FAM222A: variants seen among roughly 807,000 people sequenced by gnomAD.
The protein encoded by FAM222A is family with sequence similarity 222 member A, also known as protein FAM222A.
Under a neutral mutation model 25.8 loss-of-function variants are expected in FAM222A, and 7 were observed. The observed-to-expected ratio is 0.27, with a 90% CI of 0.15 to 0.51. FAM222A has a LOEUF of 0.51. Ranked by LOEUF, FAM222A falls within the 20% of genes least tolerant of loss-of-function variation. The pLI is 0.97. For synonymous variants in FAM222A, 294 were observed against 298.8 expected, an observed-to-expected ratio of 0.98 and a Z score of 0.17; for missense variants, 573 against 640.5, an observed-to-expected ratio of 0.89 and a Z score of 1.14.
intron 2 of FAM222A, among the ~76,000 whole-genome samples, chr12:109,762,091 G>A (rs905619645): frequency 3.9e-5 from 6 of 152,170 alleles, no homozygotes; most frequent in African/African-American, 1.4e-4. Context: ...ATTATCAGAG[G>A]AGGCTTCTTT....
At chr12:109,766,701 C>T (rs942705344) in intron 2 of FAM222A, among the ~76,000 whole-genome samples, 5 of 152,226 alleles carry the variant, frequency 3.3e-5, no homozygotes, top group Non-Finnish European at 7.3e-5. Flanking sequence ...ACACCAAGCA[C>T]TGGCAGGTTG....
At chr12:109,718,584 C>A (rs1209510807) in intron 1 of FAM222A, among the ~76,000 whole-genome samples, 1 of 152,260 alleles carries the variant, frequency 6.6e-6, no homozygotes, top group East Asian at 1.9e-4. Context: ...CTCCCAGCAG[C>A]GGCCGGAGCC....
At chr12:109,737,344 C>T (rs1888114301) in intron 1 of FAM222A, among the ~76,000 whole-genome samples, 1 of 152,138 alleles carries the variant, frequency 6.6e-6, no homozygotes, top group African/African-American at 2.4e-5. Flanking sequence ...TGGCTCAGAA[C>T]TGCCAGCATC....
At chr12:109,717,322 C>T (rs536184131) in intron 1 of FAM222A, among the ~76,000 whole-genome samples, 32 of 152,228 alleles carry the variant, frequency 2.1e-4, no homozygotes, top group Non-Finnish European at 4.6e-4. Context: ...AAACTCGCTC[C>T]TTGTCACCTG....
intron 2 of FAM222A, among the ~76,000 whole-genome samples, chr12:109,755,507 T>C (rs963742790): frequency 1.3e-5 from 2 of 152,106 alleles, no homozygotes; most frequent in Non-Finnish European, 2.9e-5. Flanking sequence ...TTTGTATTTT[T>C]AGTACAGACA....
intron 2 of FAM222A, among the ~76,000 whole-genome samples, chr12:109,762,112 C>A (rs1888915629): frequency 6.6e-6 from 1 of 152,202 alleles, no homozygotes; most frequent in Non-Finnish European, 1.5e-5. Flanking sequence ...GCTGACCACC[C>A]TGTCCAAGCT....
rs1565851130 is a variant in FAM222A, at chr12:109,769,561, T to G, written c.*273T>G. ...CGCCCATGCCTTCCTTTATCTAAGCTGGCAGAGGCAGGGAGAGAGAAACCA... is the reference window on the plus strand; with the variant it reads ...CGCCCATGCCTTCCTTTATCTAAGCGGGCAGAGGCAGGGAGAGAGAAACCA... On this transcript the variant is annotated 3_prime_UTR_variant, in exon 3 of 3. Transcript: ENST00000538780. The G allele has an allele frequency of 6.0e-6, 3 of 498,574 alleles. No homozygotes were observed. Among genetic ancestry groups the G allele is most frequent in the Non-Finnish European group, 7.1e-6 (2 of 281,196 alleles). 30.9% of individuals were successfully genotyped at this position (498,574 alleles called of 1,614,324 possible).
intron 1 of FAM222A, among the ~76,000 whole-genome samples, chr12:109,721,111 T>C (rs1029770433): frequency 9.2e-5 from 14 of 152,162 alleles, no homozygotes; most frequent in African/African-American, 3.4e-4. Flanking sequence ...CTCATATCCC[T>C]CTCTGAAGGG....
rs1320188472 is a variant in FAM222A, at chr12:109,713,979, C to G, written c.-965C>G. ...CCTGAGACCAGGCGAGGCGCCGGCG[C>G]GCGCCAGACGGCGCGAGGCTGCGGC... On this transcript the variant is annotated 5_prime_UTR_variant, in exon 1 of 3. Coordinates refer to ENST00000538780, the MANE Select transcript of FAM222A (RefSeq NM_032829.3). Among the ~76,000 whole-genome samples the G allele has an allele frequency of 6.8e-6, 1 of 146,230 alleles. No individual in the cohort carries two copies. Among genetic ancestry groups the G allele is most frequent in the Non-Finnish European group, 1.5e-5 (1 of 65,818 alleles).
intron 2 of FAM222A, among the ~76,000 whole-genome samples, chr12:109,751,971 A>G (rs1279203327): frequency 6.6e-6 from 1 of 152,214 alleles, no homozygotes; most frequent in Non-Finnish European, 1.5e-5. Flanking sequence ...TCCCTGATGG[A>G]CATTTAGGTT....
At chr12:109,722,968 T>C (rs757925401) in intron 1 of FAM222A, 1 of 148,306 alleles carries the variant, frequency 6.7e-6, no homozygotes, top group Non-Finnish European at 1.5e-5. Context: ...AAGCTATTTT[T>C]ATGACTTTTC....
At chr12:109,749,599 CCAATTTTATCTCCCATTA>C (rs1888504907) in intron 2 of FAM222A, among the ~76,000 whole-genome samples, 1 of 152,054 alleles carries the variant, frequency 6.6e-6, no homozygotes, top group Non-Finnish European at 1.5e-5. Flanking sequence ...TTGGTGTATA[CCAATTTTATCTCCCATTA>C]ATTAGGCTAT....
chr12:109,761,243 C>T (rs1008178044), intron 2 of FAM222A, among the ~76,000 whole-genome samples: 4 of 152,082 alleles, frequency 2.6e-5, no homozygotes, highest in African/African-American at 9.7e-5. Context: ...AAGGCTGCCC[C>T]CCCAGGCCTC....
At chr12:109,759,812 G>T (rs538013882) in intron 2 of FAM222A, among the ~76,000 whole-genome samples, 2 of 152,344 alleles carry the variant, frequency 1.3e-5, no homozygotes, top group Middle Eastern at 3.4e-3. Context: ...TGGCCTTGGA[G>T]CCGCCATCCA....
chr12:109,755,204 A>G (rs894519938), intron 2 of FAM222A, among the ~76,000 whole-genome samples: 2 of 150,978 alleles, frequency 1.3e-5, no homozygotes, highest in African/African-American at 4.9e-5. Flanking sequence ...AAGGCTTTGC[A>G]TAACCCAAGG....
chr12:109,732,865 A>C (rs1383235337), intron 1 of FAM222A, among the ~76,000 whole-genome samples: 3 of 152,246 alleles, frequency 2.0e-5, no homozygotes, highest in Non-Finnish European at 4.4e-5. Flanking sequence ...ACCATCTGCC[A>C]CCCTGAGTGC....
intron 1 of FAM222A, among the ~76,000 whole-genome samples, chr12:109,718,863 T>C (rs1190517970): frequency 6.6e-6 from 1 of 152,152 alleles, no homozygotes; most frequent in Non-Finnish European, 1.5e-5. Context: ...GGGAGGGAGA[T>C]TCTGGAAAGG....
chr12:109,723,448 C>T (rs1887785829), intron 1 of FAM222A, among the ~76,000 whole-genome samples: 1 of 152,186 alleles, frequency 6.6e-6, no homozygotes, highest in Non-Finnish European at 1.5e-5. Context: ...TGCACTTTGC[C>T]CACCCAACCC....
At chr12:109,716,662 C>G (rs569991475) in intron 1 of FAM222A, among the ~76,000 whole-genome samples, 1 of 152,200 alleles carries the variant, frequency 6.6e-6, no homozygotes, top group East Asian at 1.9e-4. Flanking sequence ...GAAACAAACT[C>G]GGAGTGCGCG....
Sources: allele counts gnomAD v4.1 joint callset (sites outside exome capture counted in the v4.1 genomes callset), GRCh38; gene constraint gnomAD v4.1.1; transcripts MANE v1.5; gene names NCBI Gene and HGNC (gene_info 2026-07-23, HGNC 2026-07-21).